The following YTHDC1 variants were observed in gnomAD, a reference collection of about 807,000 sequenced individuals.
YTHDC1 encodes the protein YTH N6-methyladenosine RNA binding protein C1, also known as YTH domain-containing protein 1.
A neutral mutation model predicts 107.0 loss-of-function variants in YTHDC1; 12 were observed. The ratio of observed to expected loss-of-function variants is 0.11; its 90% CI spans 0.07 to 0.18. The LOEUF is 0.18. YTHDC1 is among the 10% of genes least tolerant of loss of function. The pLI, the probability that YTHDC1 is intolerant of heterozygous loss-of-function variation, is 1.00. For missense variants in YTHDC1, 635 were observed against 898.8 expected (o/e 0.71, Z 3.75); for synonymous variants, 280 against 289.5 (o/e 0.97, Z 0.33).
Position 68,337,732 on chromosome 4 carries a change from T to G in YTHDC1, c.299A>C (p.Tyr100Ser), listed in dbSNP as rs781756552. 12 of 1,614,136 alleles carry G rather than the reference T, an allele frequency of 7.4e-6. No individual in the cohort carries two copies. The South Asian group carries it at 1.2e-4, about 16-fold the overall frequency. Reference protein sequence around the residue: ...KSATEYKNEEYQRSERNKRLD... With the variant: ...KSATEYKNEESQRSERNKRLD... ...ACGCTTGTTTCTTTCAGATCTTTGA[T>G]ATTCCTCATTTTTATACTCTGTGGC... The change falls in exon 3 of 17, where the codon TAT becomes TCT. Residue 100 changes from tyrosine to serine, a missense_variant. Physicochemically the swap from Tyr to Ser is moderately radical, Grantham distance 144. Around this residue, in one of 5 missense-constraint regions of YTHDC1, gnomAD observed 294 missense variants for 312.3 expected, o/e 0.94. Coordinates refer to ENST00000344157, the MANE Select transcript of YTHDC1 (RefSeq NM_001031732.4).
Position 68,337,208 on chromosome 4 carries a change from TTCCTCCTCC to T in YTHDC1, c.693_701del (p.Glu247_Glu249del), listed in dbSNP as rs566379464. The T allele has an allele frequency of 1.3e-6, 2 of 1,589,488 alleles. No individual in the cohort carries two copies. The highest frequency in any genetic ancestry group is 2.2e-5 in the South Asian group (2 of 90,216). ...CCTCCTCCTCTTCCTCCTCCTCCTC[TTCCTCCTCC>T]TCCTCTCCATCTTCATCCACCTCTT... On this transcript the variant is annotated inframe_deletion, in exon 4 of 17. Transcript: ENST00000344157.
At position 68,322,701 on chromosome 4, in the gene YTHDC1, G is replaced by A. The variant is rs1258692391; in HGVS notation, c.1601+48C>T. 3 of 1,586,110 alleles carry A rather than the reference G, an allele frequency of 1.9e-6. No individual in the cohort carries two copies. Among genetic ancestry groups the A allele is most frequent in the Non-Finnish European group, 1.7e-6 (2 of 1,161,158 alleles). On this transcript the variant is annotated intron_variant, in intron 11 of 16. Coordinates refer to ENST00000344157, the MANE Select transcript of YTHDC1 (RefSeq NM_001031732.4). This position sits in a 1 kb window ranked among gnomAD's most constrained non-coding sequence, Gnocchi z 4.8. ...TTGACGAATCATATTCCTCCATCAT[G>A]TTATTCTGATACATGTGCCTATTAT...
Position 68,318,860 on chromosome 4 carries a change from A to G in YTHDC1, c.1687T>C (p.Tyr563His), listed in dbSNP as rs750736702. The G allele has an allele frequency of 5.0e-6, 8 of 1,613,926 alleles. No homozygotes were observed. The Admixed American group carries it at 1.3e-4, about 27-fold the overall frequency. The part of the protein sequence containing the change: ...YPPEFHQRPG[Y>H]LKDPRYQEVD... ...TCCTGGTATCGTGGATCCTTTAAAT[A>G]CCCTGTTCAAACATCAAGCATTTTA... Residue 563 changes from tyrosine (Y) to histidine (H), a missense_variant and splice_region_variant, in exon 13 of 17, where the codon TAT (tyrosine) becomes CAT (histidine). Transcript: ENST00000344157.
At chr4:68,320,288 A>C (rs1183905136) in intron 11 of YTHDC1, 83 bp from the exon 12 acceptor site, 8 of 953,368 alleles carry the variant, frequency 8.4e-6, no homozygotes, top group South Asian at 3.2e-5. Flanking sequence ...GACAGAGATA[A>C]GTACAAAGAA....
At chr4:68,328,791 C>A (rs758693966) in intron 9 of YTHDC1, among the ~76,000 whole-genome samples, 1 of 152,180 alleles carries the variant, frequency 6.6e-6, no homozygotes, top group Non-Finnish European at 1.5e-5. Flanking sequence ...ACAGAATGCA[C>A]TTACACAAAC....
rs1374664257 is a variant in YTHDC1, at chr4:68,350,090, T to C, written c.-337A>G. On this transcript the variant is annotated 5_prime_UTR_variant, in exon 1 of 17. Coordinates refer to ENST00000344157, the MANE Select transcript of YTHDC1 (RefSeq NM_001031732.4). The stretch of plus-strand genomic sequence containing the variant: ...GCGCGAAACAATCCCGCTCCCGAAA[T>C]GCCCTGCGCTGTTTACGCTTCGTTC... The C allele has an allele frequency of 4.6e-6, 2 of 437,232 alleles. No homozygotes were observed. Among genetic ancestry groups the C allele is most frequent in the East Asian group, 4.4e-5 (1 of 22,684 alleles). 27.1% of individuals were successfully genotyped at this position (437,232 alleles called of 1,614,324 possible). A position where few individuals can be genotyped will look rare whatever the true frequency, so the allele number is the denominator to read the frequency against.
Position 68,313,812 on chromosome 4 carries a change from A to G in YTHDC1, c.*287T>C, listed in dbSNP as rs567902563. The G allele has an allele frequency of 3.1e-5, 13 of 424,868 alleles. No homozygotes were observed. The highest frequency in any genetic ancestry group is 4.6e-5 in the Non-Finnish European group (11 of 238,990). The allele number at this position is 424,868 out of a possible 1,614,324, so 26.3% of individuals were successfully genotyped here. A position where few individuals can be genotyped will look rare whatever the true frequency, so the allele number is the denominator to read the frequency against. On this transcript the variant is annotated 3_prime_UTR_variant, in exon 17 of 17. Coordinates refer to ENST00000344157, the MANE Select transcript of YTHDC1 (RefSeq NM_001031732.4). ...AAAATAACTCTAGGATGAACACACT[A>G]TAAGAACATTTATGGAGAAAGAATC... is the stretch of plus-strand genomic sequence containing the variant.
chr4:68,321,528 T>C (rs534451403), intron 11 of YTHDC1, among the ~76,000 whole-genome samples: 1 of 152,338 alleles, frequency 6.6e-6, no homozygotes, highest in African/African-American at 2.4e-5. Context: ...GTAATAAGTA[T>C]AGTTTGCAGT....
chr4:68,323,847 T>C (rs908921079), intron 10 of YTHDC1, among the ~76,000 whole-genome samples: 4 of 152,220 alleles, frequency 2.6e-5, no homozygotes, highest in Non-Finnish European at 5.9e-5. Context: ...CTGAAGAATC[T>C]GTTAAACAGT....
intron 9 of YTHDC1, among the ~76,000 whole-genome samples, chr4:68,325,833 G>C (rs928329616): frequency 6.6e-6 from 1 of 152,160 alleles, no homozygotes; most frequent in Non-Finnish European, 1.5e-5. Context: ...TGGTCAGTGA[G>C]TAATGAAAAT....
intron 13 of YTHDC1, 22 bp from the exon 14 acceptor site, chr4:68,318,751 A>G (rs766210557): frequency 1.9e-6 from 3 of 1,614,152 alleles, no homozygotes; most frequent in Non-Finnish European, 2.5e-6. Context: ...AAGATTTGTG[A>G]AACTAAATTC....
chr4:68,345,568 A>C (rs1321868546), intron 1 of YTHDC1, among the ~76,000 whole-genome samples: 1 of 139,932 alleles, frequency 7.1e-6, no homozygotes, highest in Admixed American at 7.2e-5. Flanking sequence ...AAGTTTAAAA[A>C]CTTGGATTTC....
chr4:68,310,731 T>C lies in YTHDC1; in HGVS notation c.*3368A>G, dbSNP rs114782562. The C allele has an allele frequency of 3.1e-3, 467 of 152,298 alleles. 2 individuals carry two copies. Among genetic ancestry groups the C allele is most frequent in the African/African-American group, 0.011 (442 of 41,552 alleles). The allele number at this position is 152,298 out of a possible 1,614,324, so 9.4% of individuals were successfully genotyped here. ...ATGAAGCTAAAATTATCCATGTGTG[T>C]CACAGTCACCCTTACGTTGGGTCAG... is the stretch of plus-strand genomic sequence containing the variant. On this transcript the variant is annotated 3_prime_UTR_variant, in exon 17 of 17. Coordinates refer to ENST00000344157, the MANE Select transcript of YTHDC1 (RefSeq NM_001031732.4).
chr4:68,323,828 T>C (rs1450978781), intron 10 of YTHDC1, among the ~76,000 whole-genome samples: 2 of 152,204 alleles, frequency 1.3e-5, no homozygotes, highest in African/African-American at 4.8e-5. Flanking sequence ...CTAAAATGTA[T>C]TACAGAAACT....
At chr4:68,337,970 A>G (rs1321915348) in intron 2 of YTHDC1, 70 bp from the exon 3 acceptor site, 15 of 1,527,910 alleles carry the variant, frequency 9.8e-6, no homozygotes, top group Non-Finnish European at 1.3e-5. Context: ...CCAAAGACTG[A>G]CAATAATATA....
chr4:68,327,165 G>A (rs895708807), intron 9 of YTHDC1, among the ~76,000 whole-genome samples: 20 of 151,962 alleles, frequency 1.3e-4, no homozygotes, highest in South Asian at 4.1e-4. Flanking sequence ...GAACCCGGGA[G>A]GCGGAAGTTG....
At chr4:68,331,155 T>C (rs1285013438) in intron 7 of YTHDC1, among the ~76,000 whole-genome samples, 1 of 152,182 alleles carries the variant, frequency 6.6e-6, no homozygotes, top group Non-Finnish European at 1.5e-5. Context: ...TAATACAATG[T>C]AAATGCTATG....
Position 68,337,199 on chromosome 4 carries a change from C to T in YTHDC1, c.711G>A (p.Glu237=), listed in dbSNP as rs767037691. 12 of 1,601,104 alleles carry T rather than the reference C, an allele frequency of 7.5e-6. No homozygotes were observed. Among genetic ancestry groups the T allele is most frequent in the Non-Finnish European group, 1.0e-5 (12 of 1,168,994 alleles). ...CCTCCTCCTCCTCCTCCTCTTCCTC[C>T]TCCTCCTCTTCCTCCTCCTCCTCTC... ...EDGEEEEEEE[E]EEEEEEEEEE... The change falls in exon 4 of 17, where the codon GAG becomes GAA. Residue 237 remains glutamate (E), a synonymous_variant. Coordinates refer to ENST00000344157, the MANE Select transcript of YTHDC1 (RefSeq NM_001031732.4).
intron 11 of YTHDC1, among the ~76,000 whole-genome samples, chr4:68,320,636 C>T (rs1722343990): frequency 6.6e-6 from 1 of 152,024 alleles, no homozygotes; most frequent in Non-Finnish European, 1.5e-5. Flanking sequence ...ACTCTAAAAT[C>T]TGCATATTTA....
Sources: allele counts gnomAD v4.1 joint callset (sites outside exome capture counted in the v4.1 genomes callset), GRCh38; gene constraint gnomAD v4.1.1; regional missense constraint gnomAD v4.1.1; non-coding constraint Gnocchi (gnomAD v3.1); transcripts MANE v1.5; gene names NCBI Gene and HGNC (gene_info 2026-07-23, HGNC 2026-07-21).